The following ZDHHC13 variants were observed in gnomAD, a reference collection of about 807,000 sequenced individuals.
ZDHHC13 encodes zDHHC palmitoyltransferase 13, also known as palmitoyltransferase ZDHHC13.
Under a neutral mutation model 86.0 loss-of-function variants are expected in ZDHHC13, and 85 were observed. That is an observed-to-expected ratio of 0.99 (90% CI 0.83 to 1.18). ZDHHC13 has a LOEUF of 1.18. Among genes scored for constraint, ZDHHC13 ranks in the 50% most tolerant of loss-of-function variants. The pLI, the probability that ZDHHC13 is intolerant of heterozygous loss-of-function variation, is 0.00. For synonymous variants in ZDHHC13, 263 were observed against 246.4 expected, an observed-to-expected ratio of 1.07 and a Z score of -0.63; for missense variants, 711 against 730.2, an observed-to-expected ratio of 0.97 and a Z score of 0.30.
intron 1 of ZDHHC13, among the ~76,000 whole-genome samples, chr11:19,122,130 A>G (rs1848771269): frequency 6.6e-6 from 1 of 152,210 alleles, no homozygotes; most frequent in African/African-American, 2.4e-5. Context: ...ACATGGGGAT[A>G]GGAGCTGGCG....
At chr11:19,153,081 A>G (rs1391314218) in intron 8 of ZDHHC13, among the ~76,000 whole-genome samples, 2 of 152,228 alleles carry the variant, frequency 1.3e-5, no homozygotes, top group African/African-American at 2.4e-5. Flanking sequence ...AGAAAATAAT[A>G]ACATTTACAA....
intron 13 of ZDHHC13, 143 bp downstream of exon 13, chr11:19,165,288 A>G (rs2133466261): frequency 2.8e-6 from 2 of 710,988 alleles, no homozygotes; most frequent in South Asian, 1.9e-5. Flanking sequence ...CATCGTTATT[A>G]TGCTACAGGT....
chr11:19,137,900 G>C (rs373796612), intron 1 of ZDHHC13, among the ~76,000 whole-genome samples: 36 of 150,892 alleles, frequency 2.4e-4, no homozygotes, highest in African/African-American at 6.6e-4. Context: ...TCTCTGGGAC[G>C]CATTCAAAGC....
intron 4 of ZDHHC13, 104 bp downstream of exon 4, chr11:19,147,777 C>A: frequency 1.3e-6 from 1 of 767,868 alleles, no homozygotes; most frequent in Admixed American, 3.5e-5. Flanking sequence ...TTTCTTCCCC[C>A]CCCCCCTTTA....
intron 15 of ZDHHC13, among the ~76,000 whole-genome samples, chr11:19,171,785 A>C (rs2133483899): frequency 6.6e-6 from 1 of 152,340 alleles, no homozygotes; most frequent in Non-Finnish European, 1.5e-5. Flanking sequence ...AAATGGACTC[A>C]AAGTTTCAGA....
intron 1 of ZDHHC13, among the ~76,000 whole-genome samples, chr11:19,128,782 G>A (rs1590061422): frequency 6.6e-6 from 1 of 152,134 alleles, no homozygotes; most frequent in African/African-American, 2.4e-5. Flanking sequence ...TTTATTGATG[G>A]TAAAAAGCAA....
intron 6 of ZDHHC13, 133 bp from the exon 7 acceptor site, chr11:19,152,025 G>C: frequency 2.2e-6 from 2 of 895,530 alleles, no homozygotes; most frequent in Non-Finnish European, 3.3e-6. Flanking sequence ...TCAGTACAAA[G>C]AAGTTTCTCA....
chr11:19,146,998 T>G (rs952587633), intron 3 of ZDHHC13, among the ~76,000 whole-genome samples: 8 of 152,186 alleles, frequency 5.3e-5, no homozygotes, highest in Admixed American at 2.6e-4. Context: ...GAAGCTCAAC[T>G]TTGAAGTAAT....
intron 8 of ZDHHC13, among the ~76,000 whole-genome samples, chr11:19,155,484 G>C (rs1849729383): frequency 6.6e-6 from 1 of 150,394 alleles, no homozygotes; most frequent in African/African-American, 2.5e-5. Flanking sequence ...GGGAGGCTGA[G>C]CCAAGAGAAT....
Position 19,117,392 on chromosome 11 carries a change from C to T in ZDHHC13, c.27+116C>T, listed in dbSNP as rs1008755723. The T allele has an allele frequency of 2.7e-6, 3 of 1,119,356 alleles. No homozygotes were observed. The Admixed American group carries it at 1.0e-4, about 38-fold the overall frequency. The allele number at this position is 1,119,356 out of a possible 1,614,324, so 69.3% of individuals were successfully genotyped here. On this transcript the variant is annotated intron_variant, in intron 1 of 16. Coordinates refer to ENST00000446113, the MANE Select transcript of ZDHHC13 (RefSeq NM_019028.3). The surrounding 1 kb of genome is among the most constrained non-coding windows in gnomAD (Gnocchi z 4.2). ...TGAGGGGGTTTCGGGAGCGGCGGGG[C>T]CTAGGTCTGGGAAGCGGGAGCCTGG...
At chr11:19,126,572 A>G (rs909934620) in intron 1 of ZDHHC13, among the ~76,000 whole-genome samples, 4 of 130,024 alleles carry the variant, frequency 3.1e-5, no homozygotes, top group Non-Finnish European at 4.8e-5. Context: ...CTGTTCTTGA[A>G]CTCCTTACCT....
At chr11:19,140,459 C>G (rs1482281277) in intron 1 of ZDHHC13, among the ~76,000 whole-genome samples, 1 of 152,186 alleles carries the variant, frequency 6.6e-6, no homozygotes. Context: ...CACTTTTCAA[C>G]TTTTGGTGGG....
At chr11:19,173,972 C>T (rs972902111) in intron 16 of ZDHHC13, among the ~76,000 whole-genome samples, 2 of 152,172 alleles carry the variant, frequency 1.3e-5, no homozygotes, top group South Asian at 4.1e-4. Flanking sequence ...AAACCTGAGT[C>T]CCGCCCAAAC....
At chr11:19,124,959 C>T (rs1470088533) in intron 1 of ZDHHC13, among the ~76,000 whole-genome samples, 2 of 152,204 alleles carry the variant, frequency 1.3e-5, no homozygotes, top group Middle Eastern at 3.4e-3. Flanking sequence ...CTATGAGAAG[C>T]TATCTAGTTA....
intron 14 of ZDHHC13, chr11:19,167,501 T>C (rs145069726): frequency 5.3e-5 from 8 of 152,280 alleles, no homozygotes; most frequent in African/African-American, 1.9e-4. Context: ...ATTACAAATT[T>C]TGTTTTGTTT....
intron 1 of ZDHHC13, among the ~76,000 whole-genome samples, chr11:19,141,458 A>T (rs1849317677): frequency 6.6e-6 from 1 of 152,120 alleles, no homozygotes; most frequent in Admixed American, 6.6e-5. Context: ...AGTGAGCATC[A>T]TTTGTGCTAA....
intron 4 of ZDHHC13, among the ~76,000 whole-genome samples, 172 bp from the exon 5 acceptor site, chr11:19,149,015 C>G (rs1006702115): frequency 2.6e-5 from 4 of 152,104 alleles, no homozygotes; most frequent in African/African-American, 9.7e-5. Context: ...TCTAAGTTTG[C>G]AGCATCTAAG....
chr11:19,170,932 G>A (rs1850205525), intron 15 of ZDHHC13, among the ~76,000 whole-genome samples: 1 of 152,192 alleles, frequency 6.6e-6, no homozygotes, highest in Admixed American at 6.5e-5. Flanking sequence ...GGAAACTTAG[G>A]TCTTCTGCCA....
chr11:19,174,845 G>A (rs968637524), intron 16 of ZDHHC13, among the ~76,000 whole-genome samples: 1 of 152,214 alleles, frequency 6.6e-6, no homozygotes, highest in African/African-American at 2.4e-5. Context: ...TAGAGCCAGA[G>A]TAGCTGGAGC....
Sources: gnomAD v4.1 joint callset for allele counts (sites outside exome capture counted in the v4.1 genomes callset) on GRCh38, gnomAD v4.1.1 for gene constraint, Gnocchi (gnomAD v3.1) non-coding constraint, MANE v1.5 for transcripts, NCBI Gene and HGNC (gene_info 2026-07-23, HGNC 2026-07-21) for gene names.